GREB1: variants seen among roughly 807,000 people sequenced by gnomAD.
GREB1 encodes the protein growth regulating estrogen receptor binding 1.
GREB1 carries 106 observed loss-of-function variants against 200.7 expected under a neutral mutation model. That is an observed-to-expected ratio of 0.53 (90% confidence interval 0.45 to 0.62). GREB1 has a LOEUF of 0.62. Among genes scored for constraint, GREB1 ranks in the 20% least tolerant of loss-of-function variants. The pLI is 0.00. For synonymous variants in GREB1, 1,132 were observed against 1,092.4 expected (o/e 1.04, Z -0.72); for missense variants, 2,243 against 2,556.8 (o/e 0.88, Z 2.65).
intron 23 of GREB1, among the ~76,000 whole-genome samples, chr2:11,623,245 A>G (rs1169026083): frequency 6.6e-6 from 1 of 152,228 alleles, no homozygotes; most frequent in Non-Finnish European, 1.5e-5. Flanking sequence ...ATTAACCTGC[A>G]CTGCCAGTAC....
At chr2:11,483,929 G>GA (rs1171236339) in intron 1 of GREB1, among the ~76,000 whole-genome samples, 1 of 152,156 alleles carries the variant, frequency 6.6e-6, no homozygotes, top group Admixed American at 6.5e-5. Flanking sequence ...TTCAGGGCTT[G>GA]AAAGACTTTT....
intron 21 of GREB1, 140 bp downstream of exon 21, chr2:11,616,860 G>A (rs937846357): frequency 6.2e-6 from 4 of 641,818 alleles, no homozygotes; most frequent in Non-Finnish European, 1.1e-5. Context: ...TCTTTGAAGT[G>A]CTAGACTCTC....
At chr2:11,617,101 G>T (rs923521773) in intron 21 of GREB1, among the ~76,000 whole-genome samples, 2 of 152,224 alleles carry the variant, frequency 1.3e-5, no homozygotes, top group Non-Finnish European at 2.9e-5. Context: ...CTGAGCGCAA[G>T]GAGAGAAGTA....
At position 11,556,868 on chromosome 2, in the gene GREB1, C is replaced by T. The variant is rs555082498; in HGVS notation, c.157+97C>T. On this transcript the variant is annotated intron_variant, in intron 2 of 32. Coordinates refer to ENST00000381486, the MANE Select transcript of GREB1 (RefSeq NM_014668.4). ...GAAACTCTTTTCTTTATGTAGATAA[C>T]GTTGAATCTAGCAGAAAAGAATTAT... 1.2e-5 allele frequency: 10 copies of T among 856,912 alleles called. No individual in the cohort carries two copies. In the South Asian group the frequency reaches 2.0e-4, roughly 18 times the overall value. The allele number at this position is 856,912 out of a possible 1,614,324, so 53.1% of individuals were successfully genotyped here.
intron 3 of GREB1, 30 bp downstream of exon 3, chr2:11,562,612 G>T: frequency 6.4e-7 from 1 of 1,553,714 alleles, no homozygotes; most frequent in East Asian, 2.4e-5. Flanking sequence ...TGGCCAGGCA[G>T]TGCCTGCCAT....
rs11367888 is a variant in GREB1, at chr2:11,599,519, A to ATTTT, written c.2333+674_2333+677dup. Among the ~76,000 whole-genome samples the ATTTT allele has an allele frequency of 8.4e-3, 842 of 99,734 alleles. 31 individuals carry two copies. Among genetic ancestry groups the ATTTT allele is most frequent in the African/African-American group, 0.035 (811 of 23,146 alleles). 65.4% of individuals were successfully genotyped at this position (99,734 alleles called of 152,430 possible). On this transcript the variant is annotated intron_variant, in intron 15 of 32. Coordinates refer to ENST00000381486, the MANE Select transcript of GREB1 (RefSeq NM_014668.4). ...CACGCCCAGCTAATTTCGTTTTTGTATTTTTTTTTTTTTTTTTTGAGACAG... is the reference window on the plus strand; with the variant it reads ...CACGCCCAGCTAATTTCGTTTTTGTATTTTTTTTTTTTTTTTTTTTTTGAGACAG...
intron 1 of GREB1, among the ~76,000 whole-genome samples, chr2:11,545,047 A>G (rs978128915): frequency 3.3e-5 from 5 of 149,982 alleles, no homozygotes; most frequent in Non-Finnish European, 5.9e-5. Context: ...ACTCCTGACC[A>G]CAGGTGATCC....
chr2:11,578,432 G>T lies in GREB1; in HGVS notation c.772+1G>T, dbSNP rs756391463. 2 of 1,613,482 alleles carry T rather than the reference G, an allele frequency of 1.2e-6. No homozygotes were observed. The highest frequency in any genetic ancestry group is 1.7e-6 in the Non-Finnish European group (2 of 1,179,998). On this transcript the variant is annotated splice_donor_variant, in intron 6 of 32. Transcript: ENST00000381486. LOFTEE classifies it high-confidence loss of function. The stretch of plus-strand genomic sequence containing the variant: ...ATCCTGATGGGAGCTCAGCAGGCAG[G>T]TGAGGTGGTGGAGACACACCAGAGC...
intron 1 of GREB1, among the ~76,000 whole-genome samples, chr2:11,487,147 T>C (rs1672673980): frequency 6.6e-6 from 1 of 152,250 alleles, no homozygotes; most frequent in South Asian, 2.1e-4. Context: ...AGTATTTCGC[T>C]AGTGGATGCT....
chr2:11,596,209 C>G lies in GREB1; in HGVS notation c.1924C>G (p.Leu642Val). 6.2e-7 allele frequency: 1 copy of G among 1,613,922 alleles called. No individual in the cohort carries two copies. Among genetic ancestry groups the G allele is most frequent in the Non-Finnish European group, 8.5e-7 (1 of 1,179,806 alleles). Residue 642 changes from leucine (L) to valine (V), a missense_variant, in exon 13 of 33, where the codon CTG becomes GTG. Transcript: ENST00000381486. ...AASSVTKAAS[L>V]DVSGTPVCTS... ...CTCTTCTGTCACTAAAGCAGCATCC[C>G]TGGATGTCAGTGGGACACCGGTGTG... is the stretch of plus-strand genomic sequence containing the variant.
Position 11,507,403 on chromosome 2 carries a change from CA to C in GREB1, c.-159+25037del, listed in dbSNP as rs11400364. On this transcript the variant is annotated intron_variant, in intron 1 of 2. Coordinates refer to the GREB1 transcript ENST00000628795. Reference sequence around the variant, plus strand: ...CAGCCTGGGCAACAGAGCAAGACTCCAAAAAAAAAAAAAAACCATAAACCGA... The same window carrying C: ...CAGCCTGGGCAACAGAGCAAGACTCCAAAAAAAAAAAAAACCATAAACCGA... Among the ~76,000 whole-genome samples, 863 of 139,008 alleles carry C rather than the reference CA, an allele frequency of 6.2e-3. 7 individuals are homozygous for C. Among genetic ancestry groups the C allele is most frequent in the African/African-American group, 0.022 (809 of 36,936 alleles). The allele number at this position is 139,008 out of a possible 152,430, so 91.2% of individuals were successfully genotyped here.
Position 11,620,901 on chromosome 2 carries a change from AC to A in GREB1, c.4045-3del. ...TGGGGGTTTTAACTCCTATACCTTT[AC>A]AGATCGGGAAGACAGGTGCCTACCT... On this transcript the variant is annotated splice_region_variant and splice_polypyrimidine_tract_variant and intron_variant, in intron 22 of 32. Coordinates refer to ENST00000381486, the MANE Select transcript of GREB1 (RefSeq NM_014668.4). 1.9e-6 allele frequency: 3 copies of A among 1,592,592 alleles called. No homozygotes were observed. The highest frequency in any genetic ancestry group is 2.6e-6 in the Non-Finnish European group (3 of 1,160,450).
chr2:11,497,971 CTTTTTTTTTTTTTTT>C (rs70955803), intron 1 of GREB1, among the ~76,000 whole-genome samples: 1,601 of 40,438 alleles, frequency 0.04, 38 homozygotes, highest in African/African-American at 0.098. Flanking sequence ...CAGAGCAAAA[CTTTTTTTTTTTTTTT>C]TTTTTTTTTT....
intron 1 of GREB1, among the ~76,000 whole-genome samples, chr2:11,550,798 T>C (rs1229082109): frequency 6.6e-6 from 1 of 152,220 alleles, no homozygotes; most frequent in Non-Finnish European, 1.5e-5. Flanking sequence ...TTTGGGTCCT[T>C]ATACCTGCAC....
At chr2:11,568,742 C>T (rs2147976473) in intron 4 of GREB1, among the ~76,000 whole-genome samples, 1 of 152,364 alleles carries the variant, frequency 6.6e-6, no homozygotes, top group Non-Finnish European at 1.5e-5. Flanking sequence ...CCAGTTCCTT[C>T]ACCACCAGCC....
intron 1 of GREB1, among the ~76,000 whole-genome samples, chr2:11,545,613 A>T (rs1000091264): frequency 1.8e-4 from 27 of 152,224 alleles, no homozygotes; most frequent in African/African-American, 6.5e-4. Flanking sequence ...TTTCCAATGA[A>T]TCTTTGCTTT....
Position 11,624,341 on chromosome 2 carries a change from CT to C in GREB1, c.4148-793del, listed in dbSNP as rs70955810. Among the ~76,000 whole-genome samples the C allele has an allele frequency of 5.3e-3, 593 of 110,974 alleles. 5 individuals carry two copies. Among genetic ancestry groups the C allele is most frequent in the South Asian group, 0.017 (61 of 3,562 alleles). 72.8% of individuals were successfully genotyped at this position (110,974 alleles called of 152,430 possible). On this transcript the variant is annotated intron_variant, in intron 23 of 32. Transcript: ENST00000381486. ...TTTTCTATGTTTAGATACACAAATT[CT>C]TTTTTTTTTTTTTTTTTTTGAGATG...
intron 19 of GREB1, among the ~76,000 whole-genome samples, chr2:11,614,781 T>A (rs978927248): frequency 1.2e-4 from 18 of 152,168 alleles, no homozygotes; most frequent in African/African-American, 4.3e-4. Flanking sequence ...GCCAGGATGG[T>A]CTCGATCTCC....
At chr2:11,577,971 C>T (rs570831753) in intron 5 of GREB1, among the ~76,000 whole-genome samples, 1 of 152,306 alleles carries the variant, frequency 6.6e-6, no homozygotes, top group East Asian at 1.9e-4. Flanking sequence ...AAGATGGTAT[C>T]ATTTCTTTAT....
Sources: allele counts gnomAD v4.1 joint callset (sites outside exome capture counted in the v4.1 genomes callset), GRCh38; gene constraint gnomAD v4.1.1; transcripts MANE v1.5; gene names NCBI Gene and HGNC (gene_info 2026-07-23, HGNC 2026-07-21).